Variants in ATP9B observed in about 807,000 individuals in gnomAD.
ATP9B encodes ATPase phospholipid transporting 9B.
Under a neutral mutation model 146.1 loss-of-function variants are expected in ATP9B, and 110 were observed. The observed-to-expected ratio is 0.75, with a 90% confidence interval of 0.65 to 0.88. ATP9B has a LOEUF of 0.88. Ranked by LOEUF, ATP9B falls within the 40% of genes least tolerant of loss-of-function variation. ATP9B has a pLI of 0.00. For missense variants in ATP9B, 1,499 were observed against 1,496.4 expected, an observed-to-expected ratio of 1.00 and a Z score of -0.03; for synonymous variants, 604 against 569.7, an observed-to-expected ratio of 1.06 and a Z score of -0.86.
chr18:79,230,922 C>A (rs2095785506), intron 11 of ATP9B, among the ~76,000 whole-genome samples: 1 of 152,088 alleles, frequency 6.6e-6, no homozygotes, highest in Non-Finnish European at 1.5e-5. Flanking sequence ...GTAAAGGACA[C>A]CCTATTCAAC....
chr18:79,144,506 T>C (rs939777447), intron 6 of ATP9B, among the ~76,000 whole-genome samples: 3 of 152,170 alleles, frequency 2.0e-5, no homozygotes, highest in African/African-American at 7.2e-5. Flanking sequence ...CAGTTCACAA[T>C]AGGGCTCTTG....
intron 7 of ATP9B, among the ~76,000 whole-genome samples, chr18:79,160,137 T>A (rs1192022753): frequency 1.3e-5 from 2 of 152,254 alleles, no homozygotes; most frequent in Non-Finnish European, 2.9e-5. Flanking sequence ...TATTTTCTAA[T>A]GTGGTGTTTT....
chr18:79,150,100 TAAAC>T (rs1383838469), intron 6 of ATP9B, among the ~76,000 whole-genome samples: 3 of 138,388 alleles, frequency 2.2e-5, no homozygotes, highest in Non-Finnish European at 1.5e-5. Flanking sequence ...AAAATAAAAA[TAAAC>T]ACATGAGCAG....
chr18:79,361,851 C>T (rs2096991198), intron 26 of ATP9B: 1 of 969,784 alleles, frequency 1.0e-6, no homozygotes, highest in African/African-American at 1.8e-5. Context: ...TCAGTGGACA[C>T]CAAGTCCCCA....
At chr18:79,076,544 G>A (rs1000058697) in intron 1 of ATP9B, among the ~76,000 whole-genome samples, 7 of 152,060 alleles carry the variant, frequency 4.6e-5, no homozygotes, top group Admixed American at 1.3e-4. Flanking sequence ...TTCCTTTTGA[G>A]ATAGGTGTCA....
intron 4 of ATP9B, among the ~76,000 whole-genome samples, chr18:79,121,322 C>G (rs1414247022): frequency 1.3e-5 from 2 of 152,212 alleles, no homozygotes; most frequent in Non-Finnish European, 2.9e-5. Flanking sequence ...CACTTGTGCC[C>G]AAATACTGCT....
intron 5 of ATP9B, among the ~76,000 whole-genome samples, chr18:79,140,711 C>T (rs1232704099): frequency 3.3e-5 from 5 of 152,190 alleles, no homozygotes; most frequent in South Asian, 2.1e-4. Context: ...ACCCTGGAGG[C>T]GGAGGTTGCA....
intron 7 of ATP9B, among the ~76,000 whole-genome samples, chr18:79,175,495 G>C (rs896451301): frequency 2.0e-5 from 3 of 151,970 alleles, no homozygotes; most frequent in South Asian, 2.1e-4. Context: ...CACACACACA[G>C]AAGCATTTGC....
intron 17 of ATP9B, 65 bp downstream of exon 17, chr18:79,330,169 T>G: frequency 7.0e-7 from 1 of 1,418,816 alleles, no homozygotes; most frequent in Non-Finnish European, 1.0e-6. Flanking sequence ...TGAGTGACTC[T>G]CAGCCTGGTT....
At chr18:79,269,012 C>T (rs1390033235) in intron 12 of ATP9B, among the ~76,000 whole-genome samples, 1 of 152,212 alleles carries the variant, frequency 6.6e-6, no homozygotes, top group Non-Finnish European at 1.5e-5. Context: ...ATTGTACGCT[C>T]TACCCTACAT....
At chr18:79,261,111 C>T (rs1275041997) in intron 12 of ATP9B, among the ~76,000 whole-genome samples, 1 of 152,046 alleles carries the variant, frequency 6.6e-6, no homozygotes, top group East Asian at 1.9e-4. Context: ...TGAGCAGATG[C>T]TGTTTGGATG....
intron 15 of ATP9B, among the ~76,000 whole-genome samples, chr18:79,314,119 A>G (rs754652367): frequency 3.3e-5 from 5 of 152,212 alleles, no homozygotes; most frequent in East Asian, 1.9e-4. Flanking sequence ...AAATGGTTCA[A>G]TTGATGTTTT....
At chr18:79,129,892 C>T (rs2094349243) in intron 5 of ATP9B, among the ~76,000 whole-genome samples, 2 of 152,040 alleles carry the variant, frequency 1.3e-5, no homozygotes, top group South Asian at 4.1e-4. Flanking sequence ...TACAGGCATG[C>T]GCCACCATGC....
chr18:79,345,942 G>C (rs1411606324), intron 23 of ATP9B, 103 bp downstream of exon 23: 4 of 1,294,564 alleles, frequency 3.1e-6, no homozygotes, highest in Non-Finnish European at 3.3e-6. Context: ...CTTGGTCAGT[G>C]CACGTCAGCA....
chr18:79,256,257 C>CTATATATATA lies in ATP9B; in HGVS notation c.1268+2737_1268+2746dup, dbSNP rs10531617. Among the ~76,000 whole-genome samples the CTATATATATA allele has an allele frequency of 3.4e-3, 337 of 100,272 alleles. 4 individuals carry two copies. Among genetic ancestry groups the CTATATATATA allele is most frequent in the Middle Eastern group, 9.1e-3 (2 of 220 alleles). The allele number at this position is 100,272 out of a possible 152,430, so 65.8% of individuals were successfully genotyped here. On this transcript the variant is annotated intron_variant, in intron 12 of 29. Transcript: ENST00000426216. ...ATGCCATTTTGTGAATTCTAGCTAG[C>CTATATATATA]TATATATATATATATATATATATAT... is the stretch of plus-strand genomic sequence containing the variant.
intron 11 of ATP9B, among the ~76,000 whole-genome samples, chr18:79,247,408 A>T (rs1052020804): frequency 9.2e-5 from 14 of 152,350 alleles, no homozygotes; most frequent in African/African-American, 2.2e-4. Flanking sequence ...AGGAAATGCT[A>T]GAGCCAGTAT....
At chr18:79,325,778 T>C (rs2096740999) in intron 15 of ATP9B, among the ~76,000 whole-genome samples, 1 of 152,210 alleles carries the variant, frequency 6.6e-6, no homozygotes, top group Non-Finnish European at 1.5e-5. Flanking sequence ...ACTCCCCACT[T>C]GCACGCAGCA....
intron 15 of ATP9B, among the ~76,000 whole-genome samples, chr18:79,311,949 C>A (rs1484060707): frequency 1.3e-5 from 2 of 152,236 alleles, no homozygotes; most frequent in Admixed American, 6.5e-5. Flanking sequence ...GGCGCACTTG[C>A]ACGCAGCCAT....
intron 8 of ATP9B, among the ~76,000 whole-genome samples, chr18:79,189,273 G>A (rs184051952): frequency 8.5e-5 from 13 of 152,206 alleles, no homozygotes; most frequent in African/African-American, 3.1e-4. Context: ...CTTGAACCTG[G>A]GAGGCGGAGG....
Sources: allele counts gnomAD v4.1 joint callset (sites outside exome capture counted in the v4.1 genomes callset), GRCh38; gene constraint gnomAD v4.1.1; transcripts MANE v1.5; gene names NCBI Gene and HGNC (gene_info 2026-07-23, HGNC 2026-07-21).